The following AGTPBP1 variants were observed in gnomAD, a reference collection of about 807,000 sequenced individuals.
AGTPBP1 encodes cytosolic carboxypeptidase 1.
In AGTPBP1, 70 loss-of-function variants were observed where a neutral mutation model predicts 143.9. That is an observed-to-expected ratio of 0.49 (90% CI 0.40 to 0.59). The LOEUF (loss-of-function observed/expected upper bound fraction) is 0.59. Among genes scored for constraint, AGTPBP1 ranks in the 20% least tolerant of loss-of-function variants. AGTPBP1 has a pLI of 0.00. For missense variants in AGTPBP1, 1,229 were observed against 1,464.5 expected (o/e 0.84, Z 2.62); for synonymous variants, 463 against 500.2 (o/e 0.93, Z 0.99).
the AGTPBP1 span, among the ~76,000 whole-genome samples, chr9:85,781,016 C>T: frequency 5.3e-5 from 8 of 152,036 alleles, no homozygotes; most frequent in African/African-American, 1.9e-4. Context: ...ACTTGGGAGG[C>T]GGAGGCAGGA....
At chr9:85,660,200 G>T (rs1415380255) in intron 9 of AGTPBP1, among the ~76,000 whole-genome samples, 1 of 151,968 alleles carries the variant, frequency 6.6e-6, no homozygotes, top group Non-Finnish European at 1.5e-5. Context: ...AGGGTGGAGT[G>T]GGGTGGGGAC....
intron 25 of AGTPBP1, among the ~76,000 whole-genome samples, chr9:85,570,272 ATTGT>A (rs1360402446): frequency 6.6e-6 from 1 of 152,142 alleles, no homozygotes; most frequent in Non-Finnish European, 1.5e-5. Context: ...AAATTTATGA[ATTGT>A]TTATTTCTGG....
At chr9:85,706,038 A>G (rs114088021) in intron 2 of AGTPBP1, among the ~76,000 whole-genome samples, 4,302 of 152,060 alleles carry the variant, frequency 0.028, 191 homozygotes, top group African/African-American at 0.099. Flanking sequence ...ACTAAAAGAT[A>G]GACTATGATA....
At chr9:85,714,600 T>C (rs935621006) in intron 1 of AGTPBP1, among the ~76,000 whole-genome samples, 6 of 152,130 alleles carry the variant, frequency 3.9e-5, no homozygotes, top group Non-Finnish European at 8.8e-5. Flanking sequence ...AAAAGACAAT[T>C]GTAAAATGTA....
chr9:85,597,509 C>A (rs1307248625), intron 17 of AGTPBP1, among the ~76,000 whole-genome samples: 1 of 151,990 alleles, frequency 6.6e-6, no homozygotes, highest in Non-Finnish European at 1.5e-5. Context: ...GTAATATTTG[C>A]CACTTTTTTG....
intron 1 of AGTPBP1, among the ~76,000 whole-genome samples, chr9:85,721,748 G>A (rs1838137390): frequency 6.6e-6 from 1 of 152,150 alleles, no homozygotes. Flanking sequence ...GTTAATTGAT[G>A]CAGTTTCTTC....
intron 1 of AGTPBP1, among the ~76,000 whole-genome samples, chr9:85,740,527 T>C (rs904842990): frequency 1.3e-5 from 2 of 152,234 alleles, no homozygotes; most frequent in African/African-American, 4.8e-5. Context: ...ATAAGCACCA[T>C]TTAAAGTTCC....
chr9:85,588,524 A>T, intron 20 of AGTPBP1, 46 bp from the exon 21 acceptor site: 1 of 1,577,030 alleles, frequency 6.3e-7, no homozygotes, highest in African/African-American at 1.4e-5. Context: ...AGCTACTAAA[A>T]GTTTGTATAT....
intron 1 of AGTPBP1, among the ~76,000 whole-genome samples, chr9:85,721,198 T>G (rs1392188263): frequency 6.6e-6 from 1 of 152,252 alleles, no homozygotes; most frequent in Non-Finnish European, 1.5e-5. Context: ...GGTCCAGAGC[T>G]GAGTTCAAGT....
the AGTPBP1 span, among the ~76,000 whole-genome samples, chr9:85,788,422 T>C: frequency 6.7e-6 from 1 of 149,726 alleles, no homozygotes; most frequent in African/African-American, 2.4e-5. Flanking sequence ...TATATATATA[T>C]ACACTTGTAC....
chr9:85,798,301 T>A, the AGTPBP1 span, among the ~76,000 whole-genome samples: 3 of 152,146 alleles, frequency 2.0e-5, no homozygotes, highest in African/African-American at 7.2e-5. Flanking sequence ...AAAATTTTTG[T>A]GAATTTCTTG....
intron 25 of AGTPBP1, among the ~76,000 whole-genome samples, chr9:85,568,217 A>AT (rs1445949496): frequency 4.6e-5 from 7 of 152,368 alleles, no homozygotes; most frequent in African/African-American, 1.7e-4. Context: ...AGAAACCTTT[A>AT]TAACAATCTG....
At chr9:85,760,083 T>C in the AGTPBP1 span, among the ~76,000 whole-genome samples, 1 of 152,014 alleles carries the variant, frequency 6.6e-6, no homozygotes, top group African/African-American at 2.4e-5. Context: ...AAGTTGAATC[T>C]CTGAATAGAC....
At chr9:85,622,350 G>A (rs924048304) in intron 14 of AGTPBP1, among the ~76,000 whole-genome samples, 9 of 152,056 alleles carry the variant, frequency 5.9e-5, no homozygotes, top group African/African-American at 9.7e-5. Context: ...TCTCCTGCAC[G>A]AAGATACTTT....
the AGTPBP1 span, among the ~76,000 whole-genome samples, chr9:85,789,534 T>A: frequency 5.7e-4 from 87 of 152,320 alleles, no homozygotes; most frequent in African/African-American, 2.0e-3. Flanking sequence ...TAGAGTGTTA[T>A]AGCTAACAGA....
Position 85,741,759 on chromosome 9 carries a change from G to C in AGTPBP1, c.-34+16C>G. 7.6e-7 allele frequency: 1 copy of C among 1,321,602 alleles called. No individual in the cohort carries two copies. 81.9% of individuals were successfully genotyped at this position (1,321,602 alleles called of 1,614,324 possible). A position where few individuals can be genotyped will look rare whatever the true frequency, so the allele number is the denominator to read the frequency against. On this transcript the variant is annotated intron_variant, in intron 1 of 25. Coordinates refer to ENST00000357081, the MANE Select transcript of AGTPBP1 (RefSeq NM_001330701.2). ...GACGGCCGGCCGGGACATGAGGACT[G>C]CAGCAGGGCGCTCACCGGCTCAGGA...
chr9:85,653,456 A>G (rs746039249), intron 11 of AGTPBP1, among the ~76,000 whole-genome samples: 24 of 152,170 alleles, frequency 1.6e-4, no homozygotes, highest in Non-Finnish European at 3.4e-4. Context: ...TGGTGAATTT[A>G]CTGCACTAGA....
the AGTPBP1 span, among the ~76,000 whole-genome samples, chr9:85,802,085 T>C: frequency 6.6e-6 from 1 of 152,146 alleles, no homozygotes; most frequent in East Asian, 1.9e-4. Context: ...ATGCATTCCT[T>C]ACACTGTAAT....
At chr9:85,697,445 G>GTTTTTTTTTTTTT (rs758082233) in intron 2 of AGTPBP1, among the ~76,000 whole-genome samples, 7 of 65,058 alleles carry the variant, frequency 1.1e-4, no homozygotes, top group African/African-American at 2.0e-4. Context: ...TTTGTTTTTT[G>GTTTTTTTTTTTTT]TTTTTTTTTT....
Sources: gnomAD v4.1 joint callset for allele counts (sites outside exome capture counted in the v4.1 genomes callset) on GRCh38, gnomAD v4.1.1 for gene constraint, MANE v1.5 for transcripts, NCBI Gene and HGNC (gene_info 2026-07-23, HGNC 2026-07-21) for gene names.